The following TRIO variants were observed in gnomAD, a reference collection of about 807,000 sequenced individuals.
The protein encoded by TRIO is triple functional domain protein.
Under a neutral mutation model 351.9 loss-of-function variants are expected in TRIO, and 58 were observed. The ratio of observed to expected loss-of-function variants is 0.16; its 90% confidence interval spans 0.13 to 0.21. The LOEUF (loss-of-function observed/expected upper bound fraction) is 0.21. Ranked by LOEUF, TRIO falls within the 10% of genes least tolerant of loss-of-function variation. The probability of loss-of-function intolerance (pLI) is 1.00; values close to 1 mark genes in which losing one functional copy is unlikely to be tolerated. For missense variants in TRIO, 3,201 were observed against 4,027.8 expected (o/e 0.79, Z 5.56); for synonymous variants, 1,758 against 1,595.7 (o/e 1.10, Z -2.42).
chr5:14,469,015 G>A (rs952675056), intron 37 of TRIO, among the ~76,000 whole-genome samples: 6 of 152,138 alleles, frequency 3.9e-5, no homozygotes, highest in Non-Finnish European at 7.3e-5. Context: ...TAGAGTAATA[G>A]TTCCCTGCCG....
At chr5:14,403,160 T>TGAGGGTGC (rs1748262097) in intron 31 of TRIO, among the ~76,000 whole-genome samples, 1 of 99,870 alleles carries the variant, frequency 1.0e-5, no homozygotes, top group Admixed American at 1.0e-4. Context: ...GTGAGGGTTG[T>TGAGGGTGC]AGGTTGTGGT....
Position 14,487,557 on chromosome 5 carries a change from G to T in TRIO, c.6929G>T (p.Gly2310Val), listed in dbSNP as rs892410126. The T allele has an allele frequency of 1.8e-4, 192 of 1,094,474 alleles. No individual in the cohort carries two copies. Among genetic ancestry groups the T allele is most frequent in the Middle Eastern group, 1.6e-3 (4 of 2,514 alleles). 67.8% of individuals were successfully genotyped at this position (1,094,474 alleles called of 1,614,324 possible). A position where few individuals can be genotyped will look rare whatever the true frequency, so the allele number is the denominator to read the frequency against. Residue 2310 changes from glycine (G) to valine (V), a missense_variant, in exon 48 of 57, where the codon GGC becomes GTC. This residue lies in a region of TRIO where 1,089 missense variants were observed against 954.9 expected (regional missense o/e 1.14). Coordinates refer to ENST00000344204, the MANE Select transcript of TRIO (RefSeq NM_007118.4). ...GGSGGGGGSG[G>V]GGAPSGGSGH... ...AGCGGCGGGGGTGGGGGCAGCGGCG[G>T]CGGCGGGGCCCCCAGTGGCGGCAGC...
intron 1 of TRIO, among the ~76,000 whole-genome samples, chr5:14,168,422 A>G (rs17233363): frequency 0.016 from 2,508 of 152,404 alleles, 19 homozygotes; most frequent in Non-Finnish European, 0.022. Flanking sequence ...TTTTTAAAAT[A>G]GGAGATTCCC....
chr5:14,145,182 A>G (rs1787429607), intron 1 of TRIO, among the ~76,000 whole-genome samples: 1 of 152,168 alleles, frequency 6.6e-6, no homozygotes, highest in South Asian at 2.1e-4. Flanking sequence ...TCACCTCCCC[A>G]GATTCGGTGA....
rs749594684 is a variant in TRIO at position 14,496,991 on chromosome 5, G to A, written c.7993G>A (p.Gly2665Arg). ...LENGYRKSRE[G>R]LSNKVSVKLL... ...GAACGGTTATCGGAAGTCACGGGAA[G>A]GACTCAGCAACAAGGTATCTGTGAA... is the stretch of plus-strand genomic sequence containing the variant. The change falls in exon 50 of 57, where the codon GGA (glycine) becomes AGA (arginine). Residue 2665 changes from glycine (G) to arginine (R), a missense_variant. This residue lies in a region of TRIO where 1,089 missense variants were observed against 954.9 expected (regional missense o/e 1.14). Coordinates refer to ENST00000344204, the MANE Select transcript of TRIO (RefSeq NM_007118.4). The A allele has an allele frequency of 1.2e-6, 2 of 1,614,098 alleles. No individual in the cohort carries two copies. The highest frequency in any genetic ancestry group is 1.7e-5 in the Admixed American group (1 of 60,010).
intron 33 of TRIO, among the ~76,000 whole-genome samples, chr5:14,413,067 C>T (rs940846597): frequency 1.3e-5 from 2 of 152,242 alleles, no homozygotes; most frequent in Non-Finnish European, 2.9e-5. Context: ...CCTCCTGCCT[C>T]ACTCGGGCTA....
intron 53 of TRIO, among the ~76,000 whole-genome samples, chr5:14,502,330 A>C (rs1757354066): frequency 6.6e-6 from 1 of 152,238 alleles, no homozygotes; most frequent in Non-Finnish European, 1.5e-5. Context: ...ATACATCCAA[A>C]GTATTAGATT....
At chr5:14,292,153 A>G (rs998443677) in intron 5 of TRIO, among the ~76,000 whole-genome samples, 9 of 152,272 alleles carry the variant, frequency 5.9e-5, no homozygotes, top group African/African-American at 2.2e-4. Context: ...AATATTTTGT[A>G]AAGTAAAAAA....
intron 34 of TRIO, among the ~76,000 whole-genome samples, chr5:14,458,970 T>A (rs1753574775): frequency 6.6e-6 from 1 of 152,190 alleles, no homozygotes; most frequent in Admixed American, 6.5e-5. Flanking sequence ...AGAAAATATA[T>A]ATACATATAA....
intron 32 of TRIO, chr5:14,406,214 T>C: frequency 1.5e-6 from 1 of 670,802 alleles, no homozygotes; most frequent in Non-Finnish European, 2.4e-6. Flanking sequence ...AAACCTCTCA[T>C]TGTTTTGCCT....
chr5:14,167,305 C>T lies in TRIO; in HGVS notation c.157+23423C>T, dbSNP rs147143269. Among the ~76,000 whole-genome samples the T allele has an allele frequency of 2.2e-4, 34 of 151,928 alleles. 3 individuals are homozygous for T. The East Asian group carries it at 5.6e-3, about 25-fold the overall frequency. On this transcript the variant is annotated intron_variant, in intron 1 of 56. Coordinates refer to ENST00000344204, the MANE Select transcript of TRIO (RefSeq NM_007118.4). ...TTTACAGGAGTATGTTCCATGAGCC[C>T]GTTAAGAATGTTCCAGGTCTTGCCC... is the stretch of plus-strand genomic sequence containing the variant.
At chr5:14,289,289 G>A (rs1281964908) in intron 4 of TRIO, among the ~76,000 whole-genome samples, 1 of 152,160 alleles carries the variant, frequency 6.6e-6, no homozygotes, top group African/African-American at 2.4e-5. Context: ...GGAGGCTGAG[G>A]CAGGAGAATC....
At chr5:14,311,025 C>T (rs969114238) in intron 8 of TRIO, among the ~76,000 whole-genome samples, 7 of 152,224 alleles carry the variant, frequency 4.6e-5, no homozygotes, top group African/African-American at 9.7e-5. Flanking sequence ...CATTAAAGAT[C>T]GCAGTGTTGC....
At chr5:14,389,815 G>A (rs181723129) in intron 25 of TRIO, among the ~76,000 whole-genome samples, 2 of 152,220 alleles carry the variant, frequency 1.3e-5, no homozygotes, top group Admixed American at 6.5e-5. Context: ...AAAATAAAAT[G>A]CATTTTCCTT....
chr5:14,282,644 C>T (rs1736104600), intron 3 of TRIO, among the ~76,000 whole-genome samples: 1 of 152,018 alleles, frequency 6.6e-6, no homozygotes, highest in Non-Finnish European at 1.5e-5. Flanking sequence ...CACACATATA[C>T]CCTTCACCCA....
rs1757027786 is a variant in TRIO, at chr5:14,498,238, A to G, written c.8197A>G (p.Ser2733Gly). 6.2e-7 allele frequency: 1 copy of G among 1,614,210 alleles called. No homozygotes were observed. Among genetic ancestry groups the G allele is most frequent in the South Asian group, 1.1e-5 (1 of 91,072 alleles). ...CACCTTGAACAACGATGGTCACTAC[A>G]GCATCTCCTACAGGTGAGGGAGGCC... ...HNTLNNDGHY[S>G]ISYSDLGEAT... The change falls in exon 52 of 57, where the codon AGC (serine) becomes GGC (glycine). Residue 2733 changes from serine (S) to glycine (G), a missense_variant. Transcript: ENST00000344204.
chr5:14,324,249 T>G (rs150094512), intron 9 of TRIO, among the ~76,000 whole-genome samples: 49 of 152,332 alleles, frequency 3.2e-4, no homozygotes, highest in African/African-American at 1.2e-3. Context: ...TTCAGAGTAT[T>G]TTAGATTTAC....
chr5:14,508,398 G>T lies in TRIO; in HGVS notation c.9270G>T (p.Gln3090His), dbSNP rs1201715859. ...RPIRSIKNFL[Q>H]SRLLPRV ...TCCGTAGCATTAAAAACTTTCTGCA[G>T]AGCAGGCTTCTGCCTAGAGTTTGAC... The change falls in exon 57 of 57, where the codon CAG becomes CAT. Residue 3090 changes from glutamine (Q) to histidine (H), a missense_variant. By Grantham distance (24) the Gln-to-His change is conservative. Coordinates refer to ENST00000344204, the MANE Select transcript of TRIO (RefSeq NM_007118.4). 6.2e-7 allele frequency: 1 copy of T among 1,610,864 alleles called. No homozygotes were observed. Among genetic ancestry groups the T allele is most frequent in the Non-Finnish European group, 8.5e-7 (1 of 1,177,732 alleles).
chr5:14,319,436 T>C (rs908016635), intron 9 of TRIO, among the ~76,000 whole-genome samples: 1 of 152,058 alleles, frequency 6.6e-6, no homozygotes, highest in Admixed American at 6.5e-5. Context: ...TAATGACACA[T>C]AGGGAAGTTT....
Sources: gnomAD v4.1 joint callset for allele counts (sites outside exome capture counted in the v4.1 genomes callset) on GRCh38, gnomAD v4.1.1 for gene constraint, gnomAD v4.1.1 regional missense constraint, MANE v1.5 for transcripts, NCBI Gene and HGNC (gene_info 2026-07-23, HGNC 2026-07-21) for gene names.